Variants in SLC25A48 observed in about 807,000 individuals in gnomAD.
The protein encoded by SLC25A48 is solute carrier family 25 member 48.
In SLC25A48, 29 loss-of-function variants were observed where a neutral mutation model predicts 32.2. That is an observed-to-expected ratio of 0.90 (90% CI 0.67 to 1.23). The LOEUF is 1.23. Among genes scored for constraint, SLC25A48 ranks in the 50% most tolerant of loss-of-function variants. The pLI, the probability that SLC25A48 is intolerant of heterozygous loss-of-function variation, is 0.00. For missense variants in SLC25A48, 399 were observed against 422.7 expected (o/e 0.94, Z 0.49); for synonymous variants, 164 against 172.3 (o/e 0.95, Z 0.38).
At chr5:135,765,266 CT>C (rs1461379555) in intron 3 of SLC25A48, among the ~76,000 whole-genome samples, 2 of 151,050 alleles carry the variant, frequency 1.3e-5, no homozygotes, top group Admixed American at 6.6e-5. Flanking sequence ...GTACACCCCC[CT>C]GTGATATGAT....
chr5:135,840,318 A>C (rs190879983), intron 1 of SLC25A48, among the ~76,000 whole-genome samples: 1 of 152,306 alleles, frequency 6.6e-6, no homozygotes, highest in East Asian at 1.9e-4. Flanking sequence ...TTCCCACTCT[A>C]TGCATGCTAA....
chr5:135,860,775 T>C (rs74788168), intron 4 of SLC25A48, among the ~76,000 whole-genome samples: 2,222 of 152,198 alleles, frequency 0.015, 41 homozygotes, highest in African/African-American at 0.046. Flanking sequence ...TGAGACTGAT[T>C]GGGTTTTGTG....
chr5:135,760,706 C>T (rs1292720519), intron 3 of SLC25A48, among the ~76,000 whole-genome samples: 1 of 152,128 alleles, frequency 6.6e-6, no homozygotes, highest in East Asian at 1.9e-4. Flanking sequence ...GATTGTCGGC[C>T]ACTTGGGGCT....
intron 3 of SLC25A48, among the ~76,000 whole-genome samples, chr5:135,748,855 A>G (rs4342328): frequency 0.46 from 69,607 of 151,110 alleles, 16,828 homozygotes; most frequent in Non-Finnish European, 0.54. Flanking sequence ...AGTAGTTGGG[A>G]TTATAGGCAC....
At chr5:135,705,277 T>C (rs569040655) in intron 3 of SLC25A48, among the ~76,000 whole-genome samples, 4 of 152,326 alleles carry the variant, frequency 2.6e-5, no homozygotes, top group African/African-American at 9.6e-5. Context: ...GCAGCTGCTG[T>C]CATGGCAGTC....
chr5:135,862,549 C>T (rs1760881253), intron 4 of SLC25A48, among the ~76,000 whole-genome samples: 2 of 152,182 alleles, frequency 1.3e-5, no homozygotes, highest in South Asian at 4.1e-4. Context: ...TTCAGGGTGT[C>T]CACAGTCTAG....
chr5:135,850,310 A>G, intron 2 of SLC25A48, 115 bp from the exon 3 acceptor site: 1 of 1,032,810 alleles, frequency 9.7e-7, no homozygotes, highest in Non-Finnish European at 1.5e-6. Context: ...ACTGAAACCC[A>G]GACCCTTTGC....
intron 4 of SLC25A48, among the ~76,000 whole-genome samples, chr5:135,862,635 TCAGGAAGCCTC>T (rs1168787055): frequency 5.3e-5 from 8 of 152,140 alleles, no homozygotes; most frequent in African/African-American, 1.9e-4. Flanking sequence ...GCTTGGTGGA[TCAGGAAGCCTC>T]CAGAAAGGAA....
chr5:135,854,708 T>A (rs1760165714), intron 4 of SLC25A48, among the ~76,000 whole-genome samples: 1 of 152,256 alleles, frequency 6.6e-6, no homozygotes, highest in Non-Finnish European at 1.5e-5. Context: ...GATATTTCAC[T>A]ATCTTATTAT....
At chr5:135,673,124 A>G (rs2126943857) in intron 3 of SLC25A48, among the ~76,000 whole-genome samples, 1 of 152,128 alleles carries the variant, frequency 6.6e-6, no homozygotes, top group East Asian at 1.9e-4. Context: ...TTTTTAATTT[A>G]TCTGTTTATG....
intron 3 of SLC25A48, among the ~76,000 whole-genome samples, chr5:135,638,624 C>A (rs2521966): frequency 0.46 from 70,015 of 151,684 alleles, 16,401 homozygotes; most frequent in South Asian, 0.51. Flanking sequence ...AATACCAAAT[C>A]CCCAGGGATA....
chr5:135,836,931 A>G (rs1234743669), intron 1 of SLC25A48, among the ~76,000 whole-genome samples: 1 of 150,434 alleles, frequency 6.6e-6, no homozygotes, highest in East Asian at 1.9e-4. Context: ...ACCTTGCATA[A>G]CAAAATTTTG....
intron 3 of SLC25A48, among the ~76,000 whole-genome samples, chr5:135,765,371 T>C (rs1289560201): frequency 6.6e-6 from 1 of 151,602 alleles, no homozygotes; most frequent in Non-Finnish European, 1.5e-5. Context: ...AGGGTGATAC[T>C]ACTCTTCATA....
chr5:135,596,734 A>C (rs1469939252), intron 1 of SLC25A48, among the ~76,000 whole-genome samples: 2 of 152,194 alleles, frequency 1.3e-5, no homozygotes, highest in African/African-American at 4.8e-5. Context: ...GTAAACTGCT[A>C]AGCAAGTGGA....
At chr5:135,764,150 GGAT>G (rs1053853509) in intron 3 of SLC25A48, among the ~76,000 whole-genome samples, 2 of 151,988 alleles carry the variant, frequency 1.3e-5, no homozygotes, top group African/African-American at 2.4e-5. Context: ...GGGAGGTAGA[GGAT>G]GATATTTCTT....
intron 3 of SLC25A48, among the ~76,000 whole-genome samples, chr5:135,740,516 A>G (rs1451657062): frequency 6.6e-6 from 1 of 152,148 alleles, no homozygotes; most frequent in African/African-American, 2.4e-5. Flanking sequence ...ATGGAAAAAT[A>G]CTGAGGCACT....
At chr5:135,719,510 G>T (rs560015049) in intron 3 of SLC25A48, among the ~76,000 whole-genome samples, 1 of 152,170 alleles carries the variant, frequency 6.6e-6, no homozygotes, top group South Asian at 2.1e-4. Flanking sequence ...GTAGTGGGGG[G>T]ACACCAGGAG....
intron 3 of SLC25A48, among the ~76,000 whole-genome samples, chr5:135,686,501 C>T (rs544641488): frequency 2.6e-5 from 4 of 152,324 alleles, no homozygotes; most frequent in Non-Finnish European, 2.9e-5. Context: ...TCTCTGACTC[C>T]GCTGCTCCCC....
intron 3 of SLC25A48, among the ~76,000 whole-genome samples, chr5:135,810,944 A>G (rs988878063): frequency 6.6e-6 from 1 of 152,184 alleles, no homozygotes; most frequent in African/African-American, 2.4e-5. Flanking sequence ...TTGAGTGGAC[A>G]CTGGGTAAGG....
Sources: allele counts gnomAD v4.1 joint callset (sites outside exome capture counted in the v4.1 genomes callset), GRCh38; gene constraint gnomAD v4.1.1; transcripts MANE v1.5; gene names NCBI Gene and HGNC (gene_info 2026-07-23, HGNC 2026-07-21).